Variants in PTPRD observed in about 807,000 individuals in gnomAD.
PTPRD encodes the protein receptor-type tyrosine-protein phosphatase delta.
In PTPRD, 34 loss-of-function variants were observed where a neutral mutation model predicts 214.5. The observed-to-expected ratio is 0.16, with a 90% CI of 0.12 to 0.21. The LOEUF is 0.21. PTPRD is among the 10% of genes least tolerant of loss of function. PTPRD has a pLI of 1.00. For synonymous variants in PTPRD, 1,128 were observed against 845.7 expected (o/e 1.33, Z -5.79); for missense variants, 2,545 against 2,398.7 (o/e 1.06, Z -1.27).
chr9:8,657,742 A>C (rs141299959), intron 12 of PTPRD, among the ~76,000 whole-genome samples: 60 of 152,294 alleles, frequency 3.9e-4, no homozygotes, highest in African/African-American at 1.4e-3. Flanking sequence ...TAAGGAAAGC[A>C]TACATTTTAC....
chr9:9,256,472 A>T (rs1487235704), intron 9 of PTPRD, among the ~76,000 whole-genome samples: 1 of 151,388 alleles, frequency 6.6e-6, no homozygotes, highest in Non-Finnish European at 1.5e-5. Flanking sequence ...GTTCTTGCCT[A>T]AAAGATTTAA....
chr9:9,210,868 T>A (rs2099948079), intron 9 of PTPRD, among the ~76,000 whole-genome samples: 1 of 152,078 alleles, frequency 6.6e-6, no homozygotes, highest in South Asian at 2.1e-4. Context: ...TCCTTTTTTT[T>A]TTCTCTTCAA....
chr9:10,333,665 C>G (rs1174582053), intron 3 of PTPRD, among the ~76,000 whole-genome samples: 1 of 151,782 alleles, frequency 6.6e-6, no homozygotes, highest in Non-Finnish European at 1.5e-5. Flanking sequence ...TTAAGGTCTG[C>G]TATTTCCATG....
chr9:10,158,586 C>T (rs7047221), intron 3 of PTPRD, among the ~76,000 whole-genome samples: 45,595 of 151,956 alleles, frequency 0.3, 7,051 homozygotes, highest in South Asian at 0.42. Context: ...TTACCATCAA[C>T]ATCTCAGGAT....
At chr9:9,391,831 C>A (rs1247522093) in intron 9 of PTPRD, among the ~76,000 whole-genome samples, 1 of 152,134 alleles carries the variant, frequency 6.6e-6, no homozygotes, top group Non-Finnish European at 1.5e-5. Flanking sequence ...CAAAAAGTTT[C>A]TTCTACACAC....
intron 8 of PTPRD, among the ~76,000 whole-genome samples, chr9:9,540,772 G>T (rs559449395): frequency 4.0e-5 from 6 of 151,840 alleles, no homozygotes; most frequent in Middle Eastern, 6.8e-3. Context: ...ACCAGTAAAT[G>T]AAATCATCTA....
At chr9:10,262,212 G>T (rs1170301365) in intron 3 of PTPRD, among the ~76,000 whole-genome samples, 2 of 151,810 alleles carry the variant, frequency 1.3e-5, no homozygotes, top group Non-Finnish European at 1.5e-5. Context: ...TGCTTTTCAA[G>T]AAATGGTGAA....
chr9:10,340,472 G>C lies in PTPRD; in HGVS notation c.-545+491C>G, dbSNP rs114698138. 3.8e-3 allele frequency among the ~76,000 whole-genome samples: 578 copies of C among 151,744 alleles called. 3 individuals carry two copies. The highest frequency in any genetic ancestry group is 0.013 in the African/African-American group (537 of 41,440). On this transcript the variant is annotated intron_variant, in intron 3 of 45. Coordinates refer to ENST00000381196, the MANE Select transcript of PTPRD (RefSeq NM_002839.4). ...TTGTATTGGTCTCTTTTTGTTTTTT[G>C]TTTTTGGTTTAAGTACAAAATTGTA...
At chr9:9,605,854 C>T (rs1333065782) in intron 7 of PTPRD, among the ~76,000 whole-genome samples, 2 of 152,000 alleles carry the variant, frequency 1.3e-5, no homozygotes, top group East Asian at 1.9e-4. Flanking sequence ...GAATTTCCAA[C>T]GATAACGGAA....
At chr9:9,783,965 T>C (rs2098892203) in intron 5 of PTPRD, among the ~76,000 whole-genome samples, 1 of 151,990 alleles carries the variant, frequency 6.6e-6, no homozygotes, top group African/African-American at 2.4e-5. Flanking sequence ...CATTAGTGAT[T>C]TTAAATAGTG....
chr9:9,508,550 A>G (rs1024388706), intron 8 of PTPRD, among the ~76,000 whole-genome samples: 3 of 151,718 alleles, frequency 2.0e-5, no homozygotes, highest in African/African-American at 7.3e-5. Context: ...AAACTTAATA[A>G]TGACATTTCT....
chr9:9,026,826 C>G (rs1233813522), intron 10 of PTPRD, among the ~76,000 whole-genome samples: 1 of 151,740 alleles, frequency 6.6e-6, no homozygotes, highest in Non-Finnish European at 1.5e-5. Flanking sequence ...CTCTACCGAC[C>G]CCATTCTCCA....
intron 9 of PTPRD, among the ~76,000 whole-genome samples, chr9:9,239,399 C>T (rs1000218295): frequency 1.3e-5 from 2 of 152,234 alleles, no homozygotes; most frequent in African/African-American, 4.8e-5. Flanking sequence ...GCTGGTTAGA[C>T]AGGTTTAGGT....
At chr9:9,408,762 G>A (rs1003054842) in intron 8 of PTPRD, among the ~76,000 whole-genome samples, 2 of 151,796 alleles carry the variant, frequency 1.3e-5, no homozygotes, top group Non-Finnish European at 3.0e-5. Flanking sequence ...AATAACAATT[G>A]TGAAGATTAA....
At chr9:9,467,808 G>A (rs559376109) in intron 8 of PTPRD, among the ~76,000 whole-genome samples, 8 of 151,934 alleles carry the variant, frequency 5.3e-5, no homozygotes, top group South Asian at 2.1e-4. Flanking sequence ...ATCAGTTTAC[G>A]TGGTTAATTA....
At chr9:10,117,869 C>G (rs762061714) in intron 3 of PTPRD, among the ~76,000 whole-genome samples, 7 of 151,954 alleles carry the variant, frequency 4.6e-5, no homozygotes, top group African/African-American at 1.7e-4. Flanking sequence ...CTTCCCAATG[C>G]TTTCATGGAA....
At chr9:8,446,081 A>G (rs1379028576) in intron 34 of PTPRD, among the ~76,000 whole-genome samples, 1 of 152,084 alleles carries the variant, frequency 6.6e-6, no homozygotes, top group Non-Finnish European at 1.5e-5. Context: ...ACACTCTCCA[A>G]CCTCACAAGG....
intron 14 of PTPRD, among the ~76,000 whole-genome samples, chr9:8,620,323 C>T (rs1338535957): frequency 1.3e-5 from 2 of 152,016 alleles, no homozygotes; most frequent in Admixed American, 1.3e-4. Flanking sequence ...TAAACCATTC[C>T]TGCCTTCTAC....
At position 8,471,011 on chromosome 9, in the gene PTPRD, T is replaced by C. The variant is rs751793251; in HGVS notation, c.3488A>G (p.Glu1163Gly). ...CACAGTTACCTCATCTAATTCCATT[T>C]CATCTGGACTCTCCCATGGCTTGAT... is the stretch of plus-strand genomic sequence containing the variant. Reference protein sequence around the residue: ...KFIKPWESPDEMELDELLKEI... With the variant: ...KFIKPWESPDGMELDELLKEI... The change falls in exon 31 of 46, where the codon GAA becomes GGA. Residue 1163 changes from glutamate to glycine, a missense_variant. Coordinates refer to ENST00000381196, the MANE Select transcript of PTPRD (RefSeq NM_002839.4). 8 of 1,613,020 alleles carry C rather than the reference T, an allele frequency of 5.0e-6. No homozygotes were observed. In the African/African-American group the frequency reaches 5.3e-5, roughly 11 times the overall value.
Sources: gnomAD v4.1 joint callset for allele counts (sites outside exome capture counted in the v4.1 genomes callset) on GRCh38, gnomAD v4.1.1 for gene constraint, MANE v1.5 for transcripts, NCBI Gene and HGNC (gene_info 2026-07-23, HGNC 2026-07-21) for gene names.